Variants in IPO11 observed in about 807,000 individuals in gnomAD.
The protein encoded by IPO11 is importin-11.
IPO11 carries 66 observed loss-of-function variants against 143.2 expected under a neutral mutation model. The ratio of observed to expected loss-of-function variants is 0.46; its 90% CI spans 0.38 to 0.57. The LOEUF is 0.57. IPO11 is among the 20% of genes least tolerant of loss of function. The pLI is 0.00. For synonymous variants in IPO11, 385 were observed against 377.8 expected (o/e 1.02, Z -0.22); for missense variants, 1,026 against 1,141.0 (o/e 0.90, Z 1.45).
intron 8 of IPO11, among the ~76,000 whole-genome samples, chr5:62,475,138 C>A (rs948384829): frequency 9.2e-5 from 14 of 152,006 alleles, no homozygotes; most frequent in Non-Finnish European, 1.8e-4. Flanking sequence ...AACTCCTGGG[C>A]TAAAGCGATC....
chr5:62,428,456 G>A (rs1743842097), intron 1 of IPO11, among the ~76,000 whole-genome samples: 1 of 152,034 alleles, frequency 6.6e-6, no homozygotes, highest in South Asian at 2.1e-4. Flanking sequence ...GGATTCTCCT[G>A]TCTCAGCATC....
At chr5:62,554,375 C>T (rs1414792236) in intron 26 of IPO11, among the ~76,000 whole-genome samples, 2 of 151,950 alleles carry the variant, frequency 1.3e-5, no homozygotes, top group African/African-American at 4.8e-5. Flanking sequence ...GGAGTGTTTT[C>T]CTTATGTTTT....
intron 19 of IPO11, among the ~76,000 whole-genome samples, chr5:62,512,901 G>A (rs1171997098): frequency 2.8e-5 from 4 of 140,538 alleles, no homozygotes; most frequent in Non-Finnish European, 6.3e-5. Context: ...AGGGTTGGGG[G>A]TAAGGTCATA....
intron 1 of IPO11, among the ~76,000 whole-genome samples, chr5:62,424,722 G>C (rs879521985): frequency 2.6e-5 from 4 of 151,722 alleles, no homozygotes; most frequent in Non-Finnish European, 5.9e-5. Context: ...GATTACAGAC[G>C]TGAGCCACCA....
intron 1 of IPO11, among the ~76,000 whole-genome samples, chr5:62,429,817 G>T (rs1027393475): frequency 1.3e-5 from 2 of 152,030 alleles, no homozygotes; most frequent in African/African-American, 4.8e-5. Flanking sequence ...TAGAGTTGGG[G>T]TTTCACCGTG....
chr5:62,530,865 T>C (rs1296797582), intron 22 of IPO11, 80 bp downstream of exon 22: 2 of 1,097,154 alleles, frequency 1.8e-6, no homozygotes, highest in East Asian at 4.8e-5. Flanking sequence ...TTTGGAGGCA[T>C]TACAACAAAG....
chr5:62,419,854 C>T (rs1477235354), intron 1 of IPO11, among the ~76,000 whole-genome samples: 2 of 152,110 alleles, frequency 1.3e-5, no homozygotes, highest in Non-Finnish European at 2.9e-5. Flanking sequence ...ATTAGCATGG[C>T]ATGATGGCTC....
intron 28 of IPO11, among the ~76,000 whole-genome samples, chr5:62,599,525 A>G (rs1745419314): frequency 6.6e-6 from 1 of 152,236 alleles, no homozygotes; most frequent in South Asian, 2.1e-4. Context: ...AGATTAAATG[A>G]AAGTATTACT....
At position 62,627,243 on chromosome 5, in the gene IPO11, A is replaced by G. The variant is rs201600288; in HGVS notation, c.2853A>G (p.Gln951=). ...LKAQQEMLGE[Q]GFQSLMETVD... is the part of the protein sequence containing the mutation. ...CACAGCAGGAGATGCTAGGAGAACA[A>G]GGTTTCCAGTCCCTCATGGAAACAG... Residue 951 remains glutamine, a synonymous_variant, in exon 30 of 30, where the codon CAA becomes CAG. Transcript: ENST00000325324. The G allele has an allele frequency of 3.0e-5, 49 of 1,614,028 alleles. No individual in the cohort carries two copies. Among genetic ancestry groups the G allele is most frequent in the Non-Finnish European group, 3.8e-5 (45 of 1,180,010 alleles).
intron 6 of IPO11, among the ~76,000 whole-genome samples, chr5:62,469,154 A>G (rs764068674): frequency 6.6e-6 from 1 of 152,202 alleles, no homozygotes; most frequent in Non-Finnish European, 1.5e-5. Flanking sequence ...TAGGTGATGA[A>G]GGGAGAAGGA....
At position 62,579,269 on chromosome 5, in the gene IPO11, T is replaced by TA; in HGVS notation, c.2583-12307dup. ...TTCCATACTCATTATTTTTTGCTAT[T>TA]ACCATGGTATGATTTATGATAGTAT... On this transcript the variant is annotated intron_variant, in intron 27 of 29. Coordinates refer to ENST00000325324, the MANE Select transcript of IPO11 (RefSeq NM_016338.5). 5 of 655,852 alleles carry TA rather than the reference T, an allele frequency of 7.6e-6. No homozygotes were observed. The South Asian group carries it at 9.5e-5, about 13-fold the overall frequency. 40.6% of individuals were successfully genotyped at this position (655,852 alleles called of 1,614,324 possible). A position where few individuals can be genotyped will look rare whatever the true frequency, so the allele number is the denominator to read the frequency against.
rs979167818 is a variant in IPO11, at chr5:62,627,141, C to G, written c.2764-13C>G. 4 of 1,610,870 alleles carry G rather than the reference C, an allele frequency of 2.5e-6. No individual in the cohort carries two copies. The highest frequency in any genetic ancestry group is 1.7e-4 in the Middle Eastern group (1 of 5,970). On this transcript the variant is annotated splice_polypyrimidine_tract_variant and intron_variant, in intron 29 of 29. Coordinates refer to ENST00000325324, the MANE Select transcript of IPO11 (RefSeq NM_016338.5). ...GCTTTTTTGACAGTCTTGCTCCTCT[C>G]TGTATCCCACAGCTGGCCCTGAAGG...
chr5:62,510,007 C>G (rs1741690958), intron 19 of IPO11, among the ~76,000 whole-genome samples: 1 of 152,146 alleles, frequency 6.6e-6, no homozygotes, highest in Non-Finnish European at 1.5e-5. Context: ...ATTTTACATT[C>G]CTAGCAACAG....
chr5:62,537,640 T>G lies in IPO11; in HGVS notation c.2250+351T>G, dbSNP rs371520647. 2.6e-5 allele frequency among the ~76,000 whole-genome samples: 4 copies of G among 152,218 alleles called. 1 individual carries two copies. In the South Asian group the frequency reaches 8.3e-4, roughly 32 times the overall value. On this transcript the variant is annotated intron_variant, in intron 24 of 29. Transcript: ENST00000325324. ...CCAGTGATGTGATATCTGATACTTC[T>G]TATTCTTTCATTTTGTTAGTCTGCT... is the stretch of plus-strand genomic sequence containing the variant.
intron 28 of IPO11, among the ~76,000 whole-genome samples, chr5:62,595,061 T>G (rs147264292): frequency 1.2e-4 from 18 of 152,282 alleles, no homozygotes; most frequent in African/African-American, 4.1e-4. Flanking sequence ...TGGTGCGTGG[T>G]CTCAGACCAG....
intron 29 of IPO11, among the ~76,000 whole-genome samples, chr5:62,603,402 C>T (rs942658513): frequency 5.3e-5 from 8 of 152,170 alleles, no homozygotes; most frequent in Non-Finnish European, 1.0e-4. Context: ...ACAAATCTGG[C>T]GAGCTCGCTG....
chr5:62,507,094 C>T (rs867900247), intron 19 of IPO11, among the ~76,000 whole-genome samples: 18 of 152,322 alleles, frequency 1.2e-4, no homozygotes, highest in African/African-American at 4.1e-4. Flanking sequence ...TGACAACATA[C>T]TGACATATGT....
At position 62,513,162 on chromosome 5, in the gene IPO11, C is replaced by T. The variant is rs1417708955; in HGVS notation, c.1783-2226C>T. On this transcript the variant is annotated intron_variant, in intron 19 of 29. Coordinates refer to ENST00000325324, the MANE Select transcript of IPO11 (RefSeq NM_016338.5). ...CTCCTCACTTCCCAGTAGGGGCGGC[C>T]GGGCAGAGGCGCCCCTCAGCTCCCG... Among the ~76,000 whole-genome samples, 29 of 151,290 alleles carry T rather than the reference C, an allele frequency of 1.9e-4. No individual in the cohort carries two copies. The South Asian group carries it at 4.0e-3, about 21-fold the overall frequency.
intron 29 of IPO11, among the ~76,000 whole-genome samples, chr5:62,623,258 A>T (rs1746437178): frequency 6.6e-6 from 1 of 152,214 alleles, no homozygotes; most frequent in Admixed American, 6.5e-5. Flanking sequence ...TTGGCCTGTT[A>T]CATACCTAGT....
Sources: allele counts gnomAD v4.1 joint callset (sites outside exome capture counted in the v4.1 genomes callset), GRCh38; gene constraint gnomAD v4.1.1; transcripts MANE v1.5; gene names NCBI Gene and HGNC (gene_info 2026-07-23, HGNC 2026-07-21).